ETFRF1: variants seen among roughly 807,000 people sequenced by gnomAD.
ETFRF1 encodes the protein LYR motif containing 5.
Under a neutral mutation model 9.0 loss-of-function variants are expected in ETFRF1, and 12 were observed. The observed-to-expected ratio is 1.34, with a 90% CI of 0.86 to 2.16. ETFRF1 has a LOEUF of 2.16. Ranked by LOEUF, ETFRF1 falls within the 30% of genes most tolerant of loss-of-function variation. The pLI is 0.00. For synonymous variants in ETFRF1, 34 were observed against 33.2 expected (o/e 1.02, Z -0.08); for missense variants, 98 against 101.8 (o/e 0.96, Z 0.16).
chr12:25,199,560 T>C (rs865798233), intron 1 of ETFRF1, among the ~76,000 whole-genome samples: 1 of 150,936 alleles, frequency 6.6e-6, no homozygotes, highest in Middle Eastern at 3.5e-3. Context: ...CTACATACTA[T>C]ATACTATATA....
chr12:25,202,462 G>A (rs1951082458), intron 1 of ETFRF1, among the ~76,000 whole-genome samples: 1 of 152,068 alleles, frequency 6.6e-6, no homozygotes, highest in Non-Finnish European at 1.5e-5. Flanking sequence ...CATCCTATTA[G>A]GGTGAAGGAA....
chr12:25,203,867 A>T lies in ETFRF1; in HGVS notation c.-37-53A>T, dbSNP rs564304961. ...TTCTCAATGTGTATAACCTTTTTTT[A>T]TTTTTTTAAGACTACAATGCAGCTA... On this transcript the variant is annotated intron_variant, in intron 1 of 2. Transcript: ENST00000381356. The T allele has an allele frequency of 4.4e-5, 45 of 1,024,742 alleles. No homozygotes were observed. In the South Asian group the frequency reaches 9.4e-4, roughly 21 times the overall value. 63.5% of individuals were successfully genotyped at this position (1,024,742 alleles called of 1,614,324 possible). A position where few individuals can be genotyped will look rare whatever the true frequency, so the allele number is the denominator to read the frequency against.
chr12:25,202,873 A>C (rs904850539), intron 1 of ETFRF1, among the ~76,000 whole-genome samples: 6 of 152,192 alleles, frequency 3.9e-5, no homozygotes, highest in Non-Finnish European at 5.9e-5. Flanking sequence ...TTAATATAAA[A>C]GTCATACACA....
chr12:25,204,135 T>TA lies in ETFRF1; in HGVS notation c.101dup (p.Arg35AlafsTer8), dbSNP rs774574618. 24 of 1,607,544 alleles carry TA rather than the reference T, an allele frequency of 1.5e-5. No homozygotes were observed. Among genetic ancestry groups the TA allele is most frequent in the Non-Finnish European group, 2.0e-5 (23 of 1,176,380 alleles). Reference sequence around the variant, plus strand: ...ACTATCCAAAAGGAGCAGACTATTTTAAAAAGCGTTTGAAGAACATTTTCC... The same window carrying TA: ...ACTATCCAAAAGGAGCAGACTATTTTAAAAAAGCGTTTGAAGAACATTTTCC... On this transcript the variant is annotated frameshift_variant, in exon 3 of 3. Transcript: ENST00000381356.
Position 25,204,027 on chromosome 12 carries a change from A to G in ETFRF1, c.51+20A>G, listed in dbSNP as rs551450883. 5.1e-5 allele frequency: 78 copies of G among 1,522,678 alleles called. No homozygotes were observed. The East Asian group carries it at 1.9e-3, about 37-fold the overall frequency. 94.3% of individuals were successfully genotyped at this position (1,522,678 alleles called of 1,614,324 possible). A position where few individuals can be genotyped will look rare whatever the true frequency, so the allele number is the denominator to read the frequency against. Reference sequence around the variant, plus strand: ...AAAAATGTAAGTAATTATGTTGCCAATTTTATAAAAATGTTATTATATGAC... The same window carrying G: ...AAAAATGTAAGTAATTATGTTGCCAGTTTTATAAAAATGTTATTATATGAC... On this transcript the variant is annotated intron_variant, in intron 2 of 2. Transcript: ENST00000381356.
In ETFRF1 at chr12:25,202,066, A is replaced by AAAAG. The variant is rs1199721175; in HGVS notation, c.-37-1851_-37-1850insGAAA. On this transcript the variant is annotated intron_variant, in intron 1 of 2. Transcript: ENST00000381356. ...AAACCCCGTCTCTACTGAAATACAA[A>AAAAG]AAAAAAAAAAAAAAAAATTAGCCAG... is the stretch of plus-strand genomic sequence containing the variant. Among the ~76,000 whole-genome samples the AAAAG allele has an allele frequency of 2.2e-5, 3 of 137,322 alleles. 1 individual carries two copies. The highest frequency in any genetic ancestry group is 8.2e-5 in the African/African-American group (3 of 36,430). 90.1% of individuals were successfully genotyped at this position (137,322 alleles called of 152,430 possible). A position where few individuals can be genotyped will look rare whatever the true frequency, so the allele number is the denominator to read the frequency against.
chr12:25,195,399 G>A, intron 1 of ETFRF1, 62 bp downstream of exon 1: 1 of 550,460 alleles, frequency 1.8e-6, no homozygotes, highest in Non-Finnish European at 3.3e-6. Context: ...GTCTGGAGGC[G>A]AAATATGCTC....
rs1565875615 is a variant in ETFRF1, at chr12:25,204,228, GAA to G, written c.191_192del (p.Lys64ArgfsTer9). 1 of 1,612,072 alleles carries G rather than the reference GAA, an allele frequency of 6.2e-7. No homozygotes were observed. Among genetic ancestry groups the G allele is most frequent in the Admixed American group, 1.7e-5 (1 of 59,674 alleles). Reference protein sequence around the residue: ...ELIAQGEFVMKELEALYFLRK... With the variant: ...ELIAQGEFVMXELEALYFLRK... The stretch of plus-strand genomic sequence containing the variant: ...TTATTGCACAGGGCGAATTTGTAAT[GAA>G]AGAGCTAGAAGCTTTGTACTTCCTT... On this transcript the variant is annotated frameshift_variant, in exon 3 of 3. Coordinates refer to ENST00000381356, the MANE Select transcript of ETFRF1 (RefSeq NM_001001660.3).
chr12:25,201,014 G>A lies in ETFRF1; in HGVS notation c.-37-2906G>A, dbSNP rs565401506. 7.1e-4 allele frequency among the ~76,000 whole-genome samples: 108 copies of A among 152,262 alleles called. 1 individual carries two copies. The South Asian group carries it at 0.022, about 31-fold the overall frequency. ...GGCAAGCCTGGCTCAGATTCTTACCGGTATTTGCCTTGTCTTGACCATGTG... is the reference window on the plus strand; with the variant it reads ...GGCAAGCCTGGCTCAGATTCTTACCAGTATTTGCCTTGTCTTGACCATGTG... On this transcript the variant is annotated intron_variant, in intron 1 of 2. Transcript: ENST00000381356.
Position 25,195,275 on chromosome 12 carries a change from T to G in ETFRF1, c.-100T>G, listed in dbSNP as rs1011194719. On this transcript the variant is annotated 5_prime_UTR_variant, in exon 1 of 3. Transcript: ENST00000381356. Reference sequence around the variant, plus strand: ...CCACCTCCCCCAACGCCACCCCGCTTCGCAGTAGACGGACAGAGGAGTCGT... The same window carrying G: ...CCACCTCCCCCAACGCCACCCCGCTGCGCAGTAGACGGACAGAGGAGTCGT... The G allele has an allele frequency of 3.1e-6, 2 of 650,926 alleles. No homozygotes were observed. The highest frequency in any genetic ancestry group is 2.3e-5 in the Admixed American group (1 of 42,908). 40.3% of individuals were successfully genotyped at this position (650,926 alleles called of 1,614,324 possible). A position where few individuals can be genotyped will look rare whatever the true frequency, so the allele number is the denominator to read the frequency against.
Position 25,195,332 on chromosome 12 carries a change from C to A in ETFRF1, c.-43C>A. The A allele has an allele frequency of 1.7e-6, 1 of 600,360 alleles. No homozygotes were observed. The allele number at this position is 600,360 out of a possible 1,614,324, so 37.2% of individuals were successfully genotyped here. On this transcript the variant is annotated 5_prime_UTR_variant, in exon 1 of 3. Coordinates refer to ENST00000381356, the MANE Select transcript of ETFRF1 (RefSeq NM_001001660.3). Reference sequence around the variant, plus strand: ...CGAGGCTTTTGCGGCTCCGGCGTGCCGGAAAGTGCGTGAGTGCCGCCGCCG... The same window carrying A: ...CGAGGCTTTTGCGGCTCCGGCGTGCAGGAAAGTGCGTGAGTGCCGCCGCCG...
intron 1 of ETFRF1, among the ~76,000 whole-genome samples, chr12:25,199,233 G>T (rs1344240836): frequency 6.8e-6 from 1 of 147,592 alleles, no homozygotes; most frequent in African/African-American, 2.5e-5. Flanking sequence ...TGTTTCCATA[G>T]AAACAAAAAT....
chr12:25,195,269 C>T lies in ETFRF1; in HGVS notation c.-106C>T, dbSNP rs1474620595. The T allele has an allele frequency of 1.5e-6, 1 of 655,532 alleles. No homozygotes were observed. The highest frequency in any genetic ancestry group is 1.8e-5 in the African/African-American group (1 of 55,802). The allele number at this position is 655,532 out of a possible 1,614,324, so 40.6% of individuals were successfully genotyped here. On this transcript the variant is annotated 5_prime_UTR_variant, in exon 1 of 3. Transcript: ENST00000381356. ...GGTTGCCCACCTCCCCCAACGCCAC[C>T]CCGCTTCGCAGTAGACGGACAGAGG...
chr12:25,199,770 A>G (rs948725473), intron 1 of ETFRF1, among the ~76,000 whole-genome samples: 3 of 151,956 alleles, frequency 2.0e-5, no homozygotes, highest in Admixed American at 6.6e-5. Context: ...ACTCTATTAT[A>G]ATTTTTGAGT....
chr12:25,197,443 C>T (rs1051560102), intron 1 of ETFRF1, among the ~76,000 whole-genome samples: 2 of 152,148 alleles, frequency 1.3e-5, no homozygotes, highest in Admixed American at 6.5e-5. Context: ...GTGAAAAGAA[C>T]ATGGTTCCGA....
At chr12:25,198,291 T>G (rs1175566799) in intron 1 of ETFRF1, among the ~76,000 whole-genome samples, 2 of 152,030 alleles carry the variant, frequency 1.3e-5, no homozygotes, top group Non-Finnish European at 2.9e-5. Context: ...ATTCCTCTTA[T>G]CCTTAGAAGA....
intron 1 of ETFRF1, among the ~76,000 whole-genome samples, chr12:25,199,184 A>G (rs1017402179): frequency 1.3e-5 from 2 of 150,214 alleles, no homozygotes; most frequent in Non-Finnish European, 3.0e-5. Context: ...GTGCTATAAT[A>G]TATACTACAT....
intron 1 of ETFRF1, among the ~76,000 whole-genome samples, chr12:25,196,575 C>T (rs868082199): frequency 6.6e-6 from 1 of 152,224 alleles, no homozygotes; most frequent in Non-Finnish European, 1.5e-5. Flanking sequence ...GTCCTAACTC[C>T]TTAGCCTAGA....
At chr12:25,195,397 G>A (rs1352898606) in intron 1 of ETFRF1, 60 bp downstream of exon 1, 6 of 552,148 alleles carry the variant, frequency 1.1e-5, no homozygotes, top group African/African-American at 1.9e-5. Flanking sequence ...GGGTCTGGAG[G>A]CGAAATATGC....
Sources: gnomAD v4.1 joint callset for allele counts (sites outside exome capture counted in the v4.1 genomes callset) on GRCh38, gnomAD v4.1.1 for gene constraint, MANE v1.5 for transcripts, NCBI Gene and HGNC (gene_info 2026-07-23, HGNC 2026-07-21) for gene names.